Variants in DTWD2 observed in about 807,000 individuals in gnomAD.
DTWD2 encodes the protein tRNA-uridine aminocarboxypropyltransferase 2.
In DTWD2, 39 loss-of-function variants were observed where a neutral mutation model predicts 31.8. That is an observed-to-expected ratio of 1.22 (90% CI 0.95 to 1.60). DTWD2 has a LOEUF of 1.60. Among genes scored for constraint, DTWD2 ranks in the 40% most tolerant of loss-of-function variants. The pLI is 0.00. For missense variants in DTWD2, 515 were observed against 381.5 expected (o/e 1.35, Z -2.92); for synonymous variants, 180 against 142.8 (o/e 1.26, Z -1.86).
chr5:118,881,047 T>A (rs1371989814), intron 4 of DTWD2, among the ~76,000 whole-genome samples: 1 of 152,222 alleles, frequency 6.6e-6, no homozygotes, highest in Non-Finnish European at 1.5e-5. Flanking sequence ...TTTAATGTTA[T>A]ATATTAGATT....
At chr5:118,961,254 T>C (rs1754700111) in intron 1 of DTWD2, among the ~76,000 whole-genome samples, 1 of 152,140 alleles carries the variant, frequency 6.6e-6, no homozygotes, top group Admixed American at 6.6e-5. Context: ...ATCATAATCA[T>C]CTCACGTTCA....
intron 4 of DTWD2, among the ~76,000 whole-genome samples, chr5:118,855,647 C>T (rs1054485912): frequency 3.3e-5 from 5 of 152,130 alleles, no homozygotes; most frequent in Non-Finnish European, 7.4e-5. Context: ...TCAAGACTGA[C>T]ATGACAGCTT....
At chr5:118,956,675 T>C (rs1455587979) in intron 1 of DTWD2, among the ~76,000 whole-genome samples, 2 of 152,172 alleles carry the variant, frequency 1.3e-5, no homozygotes, top group Admixed American at 6.5e-5. Context: ...CTTTAAAGAT[T>C]AGTGAACAGA....
intron 4 of DTWD2, among the ~76,000 whole-genome samples, chr5:118,898,380 G>A (rs945154537): frequency 2.0e-5 from 3 of 151,774 alleles, no homozygotes; most frequent in South Asian, 4.1e-4. Context: ...TTTTATGGCC[G>A]AGCACAGTGG....
At chr5:118,926,663 C>T (rs1038292174) in intron 4 of DTWD2, among the ~76,000 whole-genome samples, 13 of 152,044 alleles carry the variant, frequency 8.6e-5, no homozygotes, top group East Asian at 3.8e-4. Flanking sequence ...GTTATACTAG[C>T]GGAAATATTG....
At chr5:118,911,445 G>A (rs1397210201) in intron 4 of DTWD2, among the ~76,000 whole-genome samples, 5 of 152,144 alleles carry the variant, frequency 3.3e-5, no homozygotes, top group African/African-American at 1.2e-4. Flanking sequence ...AAACAGTAAG[G>A]AAGTTCCTCA....
At chr5:118,862,501 A>G in intron 4 of DTWD2, among the ~76,000 whole-genome samples, 1 of 152,198 alleles carries the variant, frequency 6.6e-6, no homozygotes, top group East Asian at 1.9e-4. Context: ...GTTTATACAC[A>G]GGTCTTTAGT....
At chr5:118,891,546 A>C (rs1258781993) in intron 4 of DTWD2, among the ~76,000 whole-genome samples, 1 of 152,208 alleles carries the variant, frequency 6.6e-6, no homozygotes, top group African/African-American at 2.4e-5. Flanking sequence ...TATGCAAAAC[A>C]TCTCTGAATA....
chr5:118,943,417 G>A (rs548751382), intron 2 of DTWD2, among the ~76,000 whole-genome samples: 1 of 152,268 alleles, frequency 6.6e-6, no homozygotes, highest in East Asian at 1.9e-4. Flanking sequence ...CGGGCGTTGT[G>A]GTGGGCGCCT....
intron 4 of DTWD2, among the ~76,000 whole-genome samples, chr5:118,855,254 G>T (rs1202311503): frequency 1.4e-5 from 2 of 141,564 alleles, no homozygotes; most frequent in Non-Finnish European, 3.1e-5. Context: ...ACTTTTTACC[G>T]CAACTTCTTG....
intron 4 of DTWD2, among the ~76,000 whole-genome samples, chr5:118,898,658 C>CAAAAAAA (rs200407705): frequency 2.4e-5 from 2 of 82,298 alleles, no homozygotes; most frequent in African/African-American, 4.8e-5. Context: ...GACTCCATCT[C>CAAAAAAA]AAAAAAAAAA....
chr5:118,964,378 T>C (rs190579510), intron 1 of DTWD2, among the ~76,000 whole-genome samples: 165 of 152,256 alleles, frequency 1.1e-3, no homozygotes, highest in Non-Finnish European at 2.0e-3. Context: ...GGAAAATTCC[T>C]CTACTTTGCC....
intron 1 of DTWD2, among the ~76,000 whole-genome samples, chr5:118,963,461 G>A (rs984006365): frequency 1.2e-4 from 19 of 152,212 alleles, no homozygotes; most frequent in African/African-American, 4.6e-4. Context: ...GAAGAGATGA[G>A]TGGACAGGCT....
intron 5 of DTWD2, among the ~76,000 whole-genome samples, chr5:118,842,334 G>A (rs1290145878): frequency 2.6e-5 from 4 of 152,098 alleles, no homozygotes; most frequent in Non-Finnish European, 5.9e-5. Context: ...CTTGGATGGG[G>A]CTTCTAGAGA....
chr5:118,885,464 A>G (rs1264610006), intron 4 of DTWD2, among the ~76,000 whole-genome samples: 28 of 149,566 alleles, frequency 1.9e-4, no homozygotes, highest in African/African-American at 6.2e-4. Flanking sequence ...CTCAAAAAAA[A>G]AAAAAAAAAA....
At chr5:118,868,674 C>T (rs1015425075) in intron 4 of DTWD2, among the ~76,000 whole-genome samples, 1 of 151,596 alleles carries the variant, frequency 6.6e-6, no homozygotes, top group African/African-American at 2.4e-5. Context: ...TCTGTCTCTA[C>T]CAAAAACATT....
At chr5:118,970,488 C>T (rs1302847809) in intron 1 of DTWD2, among the ~76,000 whole-genome samples, 1 of 151,906 alleles carries the variant, frequency 6.6e-6, no homozygotes, top group African/African-American at 2.4e-5. Context: ...TACAGTATTA[C>T]GGAAAAGGAC....
At chr5:118,947,361 C>T (rs760913973) in intron 1 of DTWD2, among the ~76,000 whole-genome samples, 1 of 152,068 alleles carries the variant, frequency 6.6e-6, no homozygotes, top group Admixed American at 6.6e-5. Context: ...ATTTTATTGC[C>T]GATGAAAGTG....
At chr5:118,933,157 A>G (rs942264283) in intron 3 of DTWD2, among the ~76,000 whole-genome samples, 8 of 152,196 alleles carry the variant, frequency 5.3e-5, no homozygotes, top group Admixed American at 2.6e-4. Context: ...TATTAAAGAA[A>G]TTGAATCGAT....
Sources: gnomAD v4.1 joint callset for allele counts (sites outside exome capture counted in the v4.1 genomes callset) on GRCh38, gnomAD v4.1.1 for gene constraint, MANE v1.5 for transcripts, NCBI Gene and HGNC (gene_info 2026-07-23, HGNC 2026-07-21) for gene names.